Variants in NKAIN3 observed in about 807,000 individuals in gnomAD.
The protein encoded by NKAIN3 is sodium/potassium transporting ATPase interacting 3, also known as sodium/potassium-transporting ATPase subunit beta-1-interacting protein 3.
A neutral mutation model predicts 30.2 loss-of-function variants in NKAIN3; 25 were observed. The observed-to-expected ratio is 0.83, with a 90% CI of 0.60 to 1.16. The LOEUF is 1.16. NKAIN3 is among the 50% of genes most tolerant of loss of function. NKAIN3 has a pLI of 0.00. For missense variants in NKAIN3, 225 were observed against 254.1 expected (o/e 0.89, Z 0.78); for synonymous variants, 91 against 89.6 (o/e 1.02, Z -0.09).
rs148276128 is a variant in NKAIN3, at chr8:62,972,875, C to T, written c.*7468C>T. ...GGTGTGTGATGTTCCCCTCCCTGTG[C>T]CCATATGTTCTCATTGTTCAACTCC... On this transcript the variant is annotated 3_prime_UTR_variant, in exon 7 of 7. Coordinates refer to ENST00000623646, the MANE Select transcript of NKAIN3 (RefSeq NM_001304533.3). 0.081 allele frequency among the ~76,000 whole-genome samples: 11,662 copies of T among 144,084 alleles called. 563 individuals are homozygous for T. The highest frequency in any genetic ancestry group is 0.12 in the South Asian group (518 of 4,322). The allele number at this position is 144,084 out of a possible 152,430, so 94.5% of individuals were successfully genotyped here.
chr8:62,283,511 T>TGGAAACTTTG (rs1813271507), intron 1 of NKAIN3, among the ~76,000 whole-genome samples: 1 of 152,162 alleles, frequency 6.6e-6, no homozygotes, highest in African/African-American at 2.4e-5. Flanking sequence ...TTCCAGTACC[T>TGGAAACTTTG]GGATTAACCC....
chr8:62,362,134 A>G (rs1816584543), intron 1 of NKAIN3, among the ~76,000 whole-genome samples: 1 of 152,200 alleles, frequency 6.6e-6, no homozygotes. Context: ...AAAAACATAA[A>G]TATTGAATGA....
chr8:62,282,303 G>GAAGTAAC (rs1813227092), intron 1 of NKAIN3, among the ~76,000 whole-genome samples: 1 of 152,254 alleles, frequency 6.6e-6, no homozygotes, highest in South Asian at 2.1e-4. Context: ...CTGCTTCTCA[G>GAAGTAAC]AAGTAACCAA....
At chr8:62,942,695 G>A (rs777931321) in intron 5 of NKAIN3, among the ~76,000 whole-genome samples, 5 of 152,006 alleles carry the variant, frequency 3.3e-5, no homozygotes, top group Non-Finnish European at 7.4e-5. Flanking sequence ...ATAGACCAAT[G>A]GAACAAAATA....
At chr8:62,472,237 C>T (rs1030478055) in intron 1 of NKAIN3, among the ~76,000 whole-genome samples, 2 of 152,004 alleles carry the variant, frequency 1.3e-5, no homozygotes, top group African/African-American at 4.8e-5. Context: ...TTTAACTCCA[C>T]ATGAAATAAA....
At chr8:62,516,147 T>C (rs1807976638) in intron 1 of NKAIN3, among the ~76,000 whole-genome samples, 1 of 152,142 alleles carries the variant, frequency 6.6e-6, no homozygotes, top group Non-Finnish European at 1.5e-5. Flanking sequence ...ATGGTTTGTG[T>C]ATTTAGCAGT....
intron 1 of NKAIN3, among the ~76,000 whole-genome samples, chr8:62,398,076 C>A (rs1403858599): frequency 6.6e-6 from 1 of 152,032 alleles, no homozygotes; most frequent in Non-Finnish European, 1.5e-5. Flanking sequence ...TGGCAAGAAG[C>A]CCCCCAAACA....
chr8:62,477,812 G>A (rs1806570212), intron 1 of NKAIN3, among the ~76,000 whole-genome samples: 1 of 152,148 alleles, frequency 6.6e-6, no homozygotes, highest in Admixed American at 6.5e-5. Flanking sequence ...GACATTCTGG[G>A]ACCCAGAGAA....
chr8:62,818,823 G>GT, intron 4 of NKAIN3, among the ~76,000 whole-genome samples: 1 of 152,094 alleles, frequency 6.6e-6, no homozygotes, highest in African/African-American at 2.4e-5. Flanking sequence ...ATCCTAAAGG[G>GT]TAAGGAGGGA....
In NKAIN3 at chr8:62,913,571, C is replaced by T. The variant is rs117838978; in HGVS notation, c.472-4882C>T. Among the ~76,000 whole-genome samples, 53 of 152,264 alleles carry T rather than the reference C, an allele frequency of 3.5e-4. No homozygotes were observed. In the East Asian group the frequency reaches 9.8e-3, roughly 28 times the overall value. On this transcript the variant is annotated intron_variant, in intron 4 of 6. Transcript: ENST00000623646. ...ATTGAGATGAATTACAATCTCTGTGCAGGATTTAGTAGATTTACAGATTAT... is the reference window on the plus strand; with the variant it reads ...ATTGAGATGAATTACAATCTCTGTGTAGGATTTAGTAGATTTACAGATTAT...
chr8:62,539,036 T>A (rs1178358968), intron 1 of NKAIN3, among the ~76,000 whole-genome samples: 2 of 152,210 alleles, frequency 1.3e-5, no homozygotes, highest in Non-Finnish European at 2.9e-5. Flanking sequence ...AGTGTATGTT[T>A]GGCAAATGAA....
intron 5 of NKAIN3, among the ~76,000 whole-genome samples, chr8:62,941,397 C>G (rs1056647693): frequency 6.6e-6 from 1 of 152,020 alleles, no homozygotes; most frequent in Non-Finnish European, 1.5e-5. Flanking sequence ...CTCAATCATT[C>G]TATGAAGCCA....
intron 4 of NKAIN3, among the ~76,000 whole-genome samples, chr8:62,892,841 A>G (rs1329115256): frequency 6.6e-6 from 1 of 152,160 alleles, no homozygotes; most frequent in Non-Finnish European, 1.5e-5. Context: ...GGTCAGACAC[A>G]CCAGCATAAA....
intron 1 of NKAIN3, among the ~76,000 whole-genome samples, chr8:62,283,707 G>A (rs976821857): frequency 6.6e-6 from 1 of 151,990 alleles, no homozygotes; most frequent in Non-Finnish European, 1.5e-5. Context: ...TTTATAAGCT[G>A]CAAATAATGA....
At chr8:62,416,646 C>G (rs560044505) in intron 1 of NKAIN3, among the ~76,000 whole-genome samples, 5 of 152,262 alleles carry the variant, frequency 3.3e-5, no homozygotes, top group African/African-American at 1.2e-4. Context: ...AAGTATTTAT[C>G]CTTTGTGTTA....
chr8:62,260,254 G>A (rs1434103997), intron 1 of NKAIN3, among the ~76,000 whole-genome samples: 1 of 152,094 alleles, frequency 6.6e-6, no homozygotes, highest in South Asian at 2.1e-4. Flanking sequence ...GGCTACAGAT[G>A]TTGATTGGTT....
intron 4 of NKAIN3, among the ~76,000 whole-genome samples, chr8:62,880,995 T>A (rs1820960627): frequency 6.6e-6 from 1 of 152,220 alleles, no homozygotes; most frequent in Non-Finnish European, 1.5e-5. Flanking sequence ...TCTCTGTACT[T>A]TCTGCTCAAT....
At chr8:62,577,367 T>C (rs1418894928) in intron 1 of NKAIN3, among the ~76,000 whole-genome samples, 3 of 151,942 alleles carry the variant, frequency 2.0e-5, no homozygotes, top group Non-Finnish European at 2.9e-5. Flanking sequence ...TCCATGCATC[T>C]ACTGACAGAA....
intron 1 of NKAIN3, among the ~76,000 whole-genome samples, chr8:62,290,443 T>G (rs59873564): frequency 5.3e-5 from 8 of 152,232 alleles, no homozygotes; most frequent in Non-Finnish European, 1.2e-4. Context: ...TTGGTAGTTT[T>G]TAGCATGAAG....
Sources: gnomAD v4.1 joint callset for allele counts (sites outside exome capture counted in the v4.1 genomes callset) on GRCh38, gnomAD v4.1.1 for gene constraint, MANE v1.5 for transcripts, NCBI Gene and HGNC (gene_info 2026-07-23, HGNC 2026-07-21) for gene names.